Variants in SNX24 observed in about 807,000 individuals in gnomAD.
SNX24 encodes the protein sorting nexin 24.
A neutral mutation model predicts 28.7 loss-of-function variants in SNX24; 22 were observed. The ratio of observed to expected loss-of-function variants is 0.77; its 90% CI spans 0.55 to 1.10. SNX24 has a LOEUF of 1.10. Among genes scored for constraint, SNX24 ranks in the 50% least tolerant of loss-of-function variants. SNX24 has a pLI of 0.00. For synonymous variants in SNX24, 69 were observed against 71.5 expected (o/e 0.96, Z 0.18); for missense variants, 221 against 201.1 (o/e 1.10, Z -0.60).
chr5:122,987,565 G>A (rs906997760), intron 3 of SNX24, among the ~76,000 whole-genome samples: 1 of 152,174 alleles, frequency 6.6e-6, no homozygotes, highest in Admixed American at 6.5e-5. Context: ...GAGATTGCTG[G>A]GATTCAGCCA....
intron 1 of SNX24, among the ~76,000 whole-genome samples, chr5:122,869,070 A>G (rs1755859862): frequency 6.6e-6 from 1 of 152,216 alleles, no homozygotes; most frequent in African/African-American, 2.4e-5. Flanking sequence ...TGTGCAACCA[A>G]ATTTTTAAAA....
intron 1 of SNX24, among the ~76,000 whole-genome samples, chr5:122,925,676 G>C (rs1351892383): frequency 6.6e-6 from 1 of 152,064 alleles, no homozygotes; most frequent in African/African-American, 2.4e-5. Context: ...CCTCTATTAT[G>C]TCTAACTTAT....
At chr5:122,933,203 G>T (rs934676817) in intron 1 of SNX24, among the ~76,000 whole-genome samples, 2 of 152,214 alleles carry the variant, frequency 1.3e-5, no homozygotes, top group African/African-American at 2.4e-5. Context: ...TCTGAGTCAA[G>T]AACCTTCAGA....
rs1051929463 is a variant in SNX24, at chr5:122,862,687, T to G, written c.60+16994T>G. 2.4e-4 allele frequency among the ~76,000 whole-genome samples: 36 copies of G among 148,210 alleles called. 1 individual carries two copies. The highest frequency in any genetic ancestry group is 7.4e-4 in the African/African-American group (30 of 40,736). On this transcript the variant is annotated intron_variant, in intron 1 of 6. Coordinates refer to ENST00000261369, the MANE Select transcript of SNX24 (RefSeq NM_014035.4). ...AAACCCAATGTAAAACAAGGCATGTTTTTTTTTTTTAATTCAATAGGCAAA... is the reference window on the plus strand; with the variant it reads ...AAACCCAATGTAAAACAAGGCATGTGTTTTTTTTTTAATTCAATAGGCAAA...
chr5:122,895,616 G>A (rs1353899121), intron 1 of SNX24, among the ~76,000 whole-genome samples: 1 of 152,150 alleles, frequency 6.6e-6, no homozygotes. Context: ...ATCCCCCGCA[G>A]GGGACACGTC....
At chr5:122,998,128 G>T (rs950569606) in intron 3 of SNX24, 1 of 151,982 alleles carries the variant, frequency 6.6e-6, no homozygotes, top group African/African-American at 2.4e-5. Context: ...AAATAGTAAT[G>T]AAATTATGCC....
chr5:122,924,167 T>C (rs564426607), intron 1 of SNX24, among the ~76,000 whole-genome samples: 46 of 152,218 alleles, frequency 3.0e-4, no homozygotes, highest in Non-Finnish European at 6.3e-4. Context: ...TGCTATGTTT[T>C]TTCCTATATA....
At chr5:122,971,362 A>G (rs922670776) in intron 3 of SNX24, among the ~76,000 whole-genome samples, 3 of 152,052 alleles carry the variant, frequency 2.0e-5, no homozygotes, top group Non-Finnish European at 4.4e-5. Context: ...TCAAATGTTA[A>G]TCTCCTTTGG....
chr5:122,922,039 T>G (rs1370691406), intron 1 of SNX24, among the ~76,000 whole-genome samples: 1 of 152,182 alleles, frequency 6.6e-6, no homozygotes, highest in Non-Finnish European at 1.5e-5. Context: ...GATTCTACAT[T>G]AAGAATGACA....
Position 122,890,630 on chromosome 5 carries a change from C to T in SNX24, c.60+44937C>T, listed in dbSNP as rs565590797. Among the ~76,000 whole-genome samples, 45 of 152,148 alleles carry T rather than the reference C, an allele frequency of 3.0e-4. 2 individuals carry two copies. The South Asian group carries it at 3.7e-3, about 13-fold the overall frequency. On this transcript the variant is annotated intron_variant, in intron 1 of 6. Coordinates refer to ENST00000261369, the MANE Select transcript of SNX24 (RefSeq NM_014035.4). ...AATTACAGGCGCCCGCCACCACACC[C>T]GTCTAATTTTTTGTATTTTTAGTAG...
intron 1 of SNX24, among the ~76,000 whole-genome samples, chr5:122,905,786 T>G (rs1757622711): frequency 1.3e-5 from 2 of 152,158 alleles, no homozygotes; most frequent in African/African-American, 4.8e-5. Flanking sequence ...GGTTGCAGAT[T>G]TAGAGATACT....
intron 2 of SNX24, among the ~76,000 whole-genome samples, chr5:122,938,174 G>T (rs1759261572): frequency 6.6e-6 from 1 of 152,150 alleles, no homozygotes; most frequent in African/African-American, 2.4e-5. Flanking sequence ...AATTAAGCCT[G>T]CCCAGAGCAC....
At chr5:122,959,899 G>T (rs1226221606) in intron 3 of SNX24, among the ~76,000 whole-genome samples, 5 of 152,088 alleles carry the variant, frequency 3.3e-5, no homozygotes, top group Non-Finnish European at 5.9e-5. Flanking sequence ...ATGACATGGG[G>T]TTTACTAAAG....
intron 3 of SNX24, among the ~76,000 whole-genome samples, chr5:122,964,759 C>T (rs1760645652): frequency 6.6e-6 from 1 of 152,084 alleles, no homozygotes. Context: ...TTATTCCCTC[C>T]ATATTATGTT....
chr5:122,954,372 A>G (rs909816774), intron 3 of SNX24, among the ~76,000 whole-genome samples: 4 of 152,234 alleles, frequency 2.6e-5, no homozygotes, highest in African/African-American at 4.8e-5. Context: ...CACTCAATCT[A>G]TAAGAACAAA....
chr5:122,891,350 T>G (rs1756959657), intron 1 of SNX24, among the ~76,000 whole-genome samples: 1 of 152,218 alleles, frequency 6.6e-6, no homozygotes, highest in Non-Finnish European at 1.5e-5. Flanking sequence ...AAATGATATG[T>G]ACAGTATGAG....
chr5:122,936,855 G>T, intron 2 of SNX24, 38 bp downstream of exon 2: 1 of 1,305,936 alleles, frequency 7.7e-7, no homozygotes, highest in South Asian at 1.2e-5. Flanking sequence ...TTCTCTATGT[G>T]GCAGATGGTA....
At chr5:122,923,386 G>T (rs573010834) in intron 1 of SNX24, among the ~76,000 whole-genome samples, 1 of 151,788 alleles carries the variant, frequency 6.6e-6, no homozygotes, top group Non-Finnish European at 1.5e-5. Flanking sequence ...TTAAAATTCT[G>T]AGTTTTGAAA....
chr5:122,956,289 G>A (rs1167529994), intron 3 of SNX24, among the ~76,000 whole-genome samples: 1 of 151,550 alleles, frequency 6.6e-6, no homozygotes, highest in Non-Finnish European at 1.5e-5. Context: ...CACAGTCTCT[G>A]CAGGGAAGGC....
Sources: gnomAD v4.1 joint callset for allele counts (sites outside exome capture counted in the v4.1 genomes callset) on GRCh38, gnomAD v4.1.1 for gene constraint, MANE v1.5 for transcripts, NCBI Gene and HGNC (gene_info 2026-07-23, HGNC 2026-07-21) for gene names.